The following COBLL1 variants were observed in gnomAD, a reference collection of about 807,000 sequenced individuals.
The protein encoded by COBLL1 is cordon-bleu protein-like 1.
Under a neutral mutation model 94.8 loss-of-function variants are expected in COBLL1, and 50 were observed. The ratio of observed to expected loss-of-function variants is 0.53; its 90% CI spans 0.42 to 0.67. The LOEUF is 0.67. Ranked by LOEUF, COBLL1 falls within the 30% of genes least tolerant of loss-of-function variation. COBLL1 has a pLI of 0.00. For missense variants in COBLL1, 1,362 were observed against 1,348.7 expected, an observed-to-expected ratio of 1.01 and a Z score of -0.15; for synonymous variants, 448 against 473.8, an observed-to-expected ratio of 0.95 and a Z score of 0.71.
chr2:164,710,252 C>CT (rs767145189), intron 7 of COBLL1, among the ~76,000 whole-genome samples: 5 of 152,126 alleles, frequency 3.3e-5, no homozygotes, highest in Non-Finnish European at 5.9e-5. Flanking sequence ...AAAAAACCTT[C>CT]TCTTGGGGAG....
chr2:164,660,138 T>G (rs1691046322), intron 2 of COBLL1, among the ~76,000 whole-genome samples: 1 of 152,194 alleles, frequency 6.6e-6, no homozygotes, highest in Non-Finnish European at 1.5e-5. Context: ...GAGATTACAC[T>G]TATTGACACA....
chr2:164,746,353 G>C (rs1290903323), intron 2 of COBLL1, among the ~76,000 whole-genome samples: 1 of 152,066 alleles, frequency 6.6e-6, no homozygotes, highest in Non-Finnish European at 1.5e-5. Context: ...TTCATTACTA[G>C]AGAAGTTTCT....
At chr2:164,766,568 C>A (rs1687943541) in intron 2 of COBLL1, among the ~76,000 whole-genome samples, 1 of 152,178 alleles carries the variant, frequency 6.6e-6, no homozygotes, top group Non-Finnish European at 1.5e-5. Context: ...AGAATCTGAG[C>A]AGATGCCAGA....
At chr2:164,768,010 GGGACTGGA>G (rs1688018940) in intron 2 of COBLL1, among the ~76,000 whole-genome samples, 4 of 152,122 alleles carry the variant, frequency 2.6e-5, no homozygotes, top group African/African-American at 9.7e-5. Flanking sequence ...GTATTACTGA[GGGACTGGA>G]AATCTTATCT....
chr2:164,750,262 T>A (rs1687063156), intron 2 of COBLL1, among the ~76,000 whole-genome samples: 1 of 152,142 alleles, frequency 6.6e-6, no homozygotes, highest in African/African-American at 2.4e-5. Flanking sequence ...TTGATTCTCC[T>A]CTTCATCTCT....
At chr2:164,678,968 A>C (rs1207966116), downstream of COBLL1, among the ~76,000 whole-genome samples, 3 of 151,970 alleles carry the variant, frequency 2.0e-5, no homozygotes, top group Non-Finnish European at 4.4e-5. Context: ...TGTTAATAAA[A>C]CTCACCATAT....
chr2:164,808,607 G>T (rs1684313391), intron 2 of COBLL1, among the ~76,000 whole-genome samples: 1 of 152,128 alleles, frequency 6.6e-6, no homozygotes, highest in South Asian at 2.1e-4. Context: ...AAACATACTT[G>T]AATTTTGTGG....
intron 2 of COBLL1, among the ~76,000 whole-genome samples, chr2:164,814,195 G>C (rs929080476): frequency 2.0e-5 from 3 of 152,028 alleles, no homozygotes; most frequent in East Asian, 3.9e-4. Flanking sequence ...TTGTCTCTTT[G>C]GTTCCCCTCT....
intron 3 of COBLL1, 76 bp downstream of exon 3, chr2:164,743,611 C>T: frequency 8.6e-7 from 1 of 1,161,724 alleles, no homozygotes; most frequent in Non-Finnish European, 1.3e-6. Flanking sequence ...GAACAAACAT[C>T]AAGACGTATA....
downstream of COBLL1, among the ~76,000 whole-genome samples, chr2:164,676,790 G>A (rs890981810): frequency 6.6e-6 from 1 of 151,878 alleles, no homozygotes; most frequent in African/African-American, 2.4e-5. Context: ...GCCACTTCCA[G>A]CAGATTAATT....
At chr2:164,754,140 C>G (rs766958719) in intron 2 of COBLL1, among the ~76,000 whole-genome samples, 1 of 152,074 alleles carries the variant, frequency 6.6e-6, no homozygotes, top group Admixed American at 6.6e-5. Flanking sequence ...GTAAAATACA[C>G]ACTATATTCC....
intron 11 of COBLL1, chr2:164,697,836 T>C (rs960519079): frequency 6.6e-6 from 1 of 152,088 alleles, no homozygotes; most frequent in African/African-American, 2.4e-5. Context: ...GTTAACCAAG[T>C]GTTTATAAAT....
At chr2:164,733,433 C>T (rs1390240841) in intron 3 of COBLL1, among the ~76,000 whole-genome samples, 1 of 152,130 alleles carries the variant, frequency 6.6e-6, no homozygotes, top group African/African-American at 2.4e-5. Flanking sequence ...ACTAAAAATG[C>T]CTCTTTGAGA....
intron 2 of COBLL1, among the ~76,000 whole-genome samples, chr2:164,798,338 C>G (rs1683579500): frequency 6.6e-6 from 1 of 152,192 alleles, no homozygotes; most frequent in Non-Finnish European, 1.5e-5. Flanking sequence ...TCCACTTCTC[C>G]CTAGAGTTTG....
At chr2:164,745,926 G>A (rs977685441) in intron 2 of COBLL1, among the ~76,000 whole-genome samples, 1 of 152,090 alleles carries the variant, frequency 6.6e-6, no homozygotes, top group African/African-American at 2.4e-5. Context: ...AGTAAGGTAG[G>A]TTGGCACAAA....
At chr2:164,811,278 A>AT (rs1334638995) in intron 2 of COBLL1, among the ~76,000 whole-genome samples, 1 of 151,982 alleles carries the variant, frequency 6.6e-6, no homozygotes, top group Non-Finnish European at 1.5e-5. Context: ...GCAATAATGC[A>AT]TGGTGTTTGG....
intron 7 of COBLL1, 195 bp from the exon 8 acceptor site, chr2:164,705,300 C>T (rs1019830429): frequency 1.8e-5 from 7 of 384,680 alleles, no homozygotes; most frequent in South Asian, 1.3e-4. Flanking sequence ...AAATAAAATA[C>T]GGCCTTTCTC....
At chr2:164,818,943 T>C (rs1037502) in intron 2 of COBLL1, among the ~76,000 whole-genome samples, 29,889 of 151,434 alleles carry the variant, frequency 0.2, 3,066 homozygotes, top group Middle Eastern at 0.28. Context: ...CTTTTTTTTT[T>C]ATTTTTTGGT....
chr2:164,747,571 T>C (rs12616116), intron 2 of COBLL1, among the ~76,000 whole-genome samples: 6,522 of 152,126 alleles, frequency 0.043, 150 homozygotes, highest in East Asian at 0.07. Flanking sequence ...GCATCCTCTA[T>C]CTCCCAGGTT....
Sources: allele counts gnomAD v4.1 joint callset (sites outside exome capture counted in the v4.1 genomes callset), GRCh38; gene constraint gnomAD v4.1.1; transcripts MANE v1.5; gene names NCBI Gene and HGNC (gene_info 2026-07-23, HGNC 2026-07-21).